Variants in DPP6 observed in about 807,000 individuals in gnomAD.
The protein encoded by DPP6 is dipeptidyl peptidase like 6.
In DPP6, 69 loss-of-function variants were observed where a neutral mutation model predicts 122.6. The ratio of observed to expected loss-of-function variants is 0.56; its 90% confidence interval spans 0.46 to 0.69. The LOEUF (loss-of-function observed/expected upper bound fraction) is 0.69. Among genes scored for constraint, DPP6 ranks in the 30% least tolerant of loss-of-function variants. The pLI is 0.00. For synonymous variants in DPP6, 418 were observed against 433.1 expected, an observed-to-expected ratio of 0.97 and a Z score of 0.43; for missense variants, 928 against 1,116.9, an observed-to-expected ratio of 0.83 and a Z score of 2.41.
intron 1 of DPP6, among the ~76,000 whole-genome samples, chr7:153,964,273 G>T (rs10275189): frequency 0.065 from 9,915 of 152,116 alleles, 1,069 homozygotes; most frequent in African/African-American, 0.23. Flanking sequence ...TGAGATTACA[G>T]GCGTGAGCCA....
At chr7:154,623,250 G>C (rs557674967) in intron 5 of DPP6, among the ~76,000 whole-genome samples, 1 of 152,122 alleles carries the variant, frequency 6.6e-6, no homozygotes, top group Non-Finnish European at 1.5e-5. Context: ...TTGCCGGTGC[G>C]TTGCACTAAA....
intron 3 of DPP6, among the ~76,000 whole-genome samples, chr7:154,515,694 G>A (rs1019503337): frequency 1.3e-5 from 2 of 152,098 alleles, no homozygotes; most frequent in Non-Finnish European, 2.9e-5. Flanking sequence ...AGCCAGGATG[G>A]TCTCGAAATC....
intron 1 of DPP6, among the ~76,000 whole-genome samples, chr7:154,246,470 A>G (rs181043660): frequency 1.0e-3 from 154 of 152,362 alleles, no homozygotes; most frequent in Non-Finnish European, 1.7e-3. Context: ...TTCTCCAGCA[A>G]TTGATTTATG....
the DPP6 span, among the ~76,000 whole-genome samples, chr7:153,791,095 T>G: frequency 6.6e-6 from 1 of 152,238 alleles, no homozygotes; most frequent in Non-Finnish European, 1.5e-5. Context: ...AGTTAATTTG[T>G]TATAAAAGGC....
Position 154,218,788 on chromosome 7 carries a change from A to C in DPP6, c.243+165725A>C, listed in dbSNP as rs181624878. Among the ~76,000 whole-genome samples, 116 of 152,296 alleles carry C rather than the reference A, an allele frequency of 7.6e-4. 1 individual carries two copies. In the East Asian group the frequency reaches 0.018, roughly 24 times the overall value. ...CTATCTCTGCCAGTCCAGAATTGTA[A>C]ATCACTTTTCTATTAAACAGCGGGG... On this transcript the variant is annotated intron_variant, in intron 1 of 25. Coordinates refer to ENST00000377770, the MANE Select transcript of DPP6 (RefSeq NM_130797.4).
intron 5 of DPP6, among the ~76,000 whole-genome samples, chr7:154,571,743 T>C (rs188471396): frequency 6.6e-6 from 1 of 152,336 alleles, no homozygotes; most frequent in East Asian, 1.9e-4. Context: ...ATTCAGTCAG[T>C]AAAATGGGTT....
At chr7:154,850,015 T>C (rs982571465) in intron 16 of DPP6, among the ~76,000 whole-genome samples, 9 of 152,212 alleles carry the variant, frequency 5.9e-5, no homozygotes, top group Admixed American at 1.3e-4. Context: ...ATCCCACTTG[T>C]TTATGATGAA....
chr7:154,276,160 C>G (rs1032982307), intron 1 of DPP6, among the ~76,000 whole-genome samples: 2 of 152,162 alleles, frequency 1.3e-5, no homozygotes, highest in Non-Finnish European at 2.9e-5. Flanking sequence ...TTGTTTTAAG[C>G]TTATGGATAT....
chr7:154,737,492 AT>A (rs774800245), intron 8 of DPP6, among the ~76,000 whole-genome samples: 2 of 151,882 alleles, frequency 1.3e-5, no homozygotes, highest in Non-Finnish European at 1.5e-5. Flanking sequence ...TCACACTGTT[AT>A]TTTTTTCTTT....
chr7:154,811,040 A>G (rs1563237781), intron 16 of DPP6, among the ~76,000 whole-genome samples: 1 of 152,182 alleles, frequency 6.6e-6, no homozygotes. Flanking sequence ...ATCTATTTAA[A>G]TATTTAGCCT....
chr7:154,307,738 A>C (rs551967611), intron 1 of DPP6, among the ~76,000 whole-genome samples: 20 of 152,208 alleles, frequency 1.3e-4, no homozygotes, highest in Non-Finnish European at 2.5e-4. Flanking sequence ...TAGACTGCAG[A>C]ACTCTTAATG....
At chr7:154,197,414 C>G (rs1461234223) in intron 1 of DPP6, among the ~76,000 whole-genome samples, 1 of 152,078 alleles carries the variant, frequency 6.6e-6, no homozygotes, top group African/African-American at 2.4e-5. Context: ...TGCACTGATA[C>G]CATACGTCGA....
intron 1 of DPP6, among the ~76,000 whole-genome samples, chr7:153,889,343 A>G (rs1799087472): frequency 6.6e-6 from 1 of 152,168 alleles, no homozygotes; most frequent in African/African-American, 2.4e-5. Flanking sequence ...ACGTGTATGG[A>G]GTAATGCTTT....
At chr7:154,278,847 C>T (rs755018213) in intron 1 of DPP6, among the ~76,000 whole-genome samples, 9 of 149,430 alleles carry the variant, frequency 6.0e-5, no homozygotes, top group African/African-American at 9.9e-5. Flanking sequence ...TGGGGATGCA[C>T]GTGTGTGTTT....
At chr7:154,778,381 C>G (rs1796714393) in intron 10 of DPP6, among the ~76,000 whole-genome samples, 2 of 152,032 alleles carry the variant, frequency 1.3e-5, no homozygotes, top group African/African-American at 4.8e-5. Context: ...CAGGCTTCTC[C>G]CCAATATGCA....
intron 1 of DPP6, chr7:154,305,237 GGCTGTT>G: frequency 8.1e-7 from 1 of 1,241,204 alleles, no homozygotes; most frequent in East Asian, 3.4e-5. Flanking sequence ...CGATTGCAGA[GGCTGTT>G]GCTAATTGGA....
At chr7:153,835,944 T>C in the DPP6 span, among the ~76,000 whole-genome samples, 1 of 152,170 alleles carries the variant, frequency 6.6e-6, no homozygotes, top group African/African-American at 2.4e-5. Flanking sequence ...CTGGAGACTC[T>C]AGGGAAGATA....
intron 1 of DPP6, among the ~76,000 whole-genome samples, chr7:154,333,920 A>G (rs943825185): frequency 1.3e-5 from 2 of 152,238 alleles, no homozygotes; most frequent in African/African-American, 4.8e-5. Flanking sequence ...AACCCAATCC[A>G]AATTACTTAA....
intron 1 of DPP6, among the ~76,000 whole-genome samples, chr7:154,278,202 C>G (rs991298578): frequency 3.9e-5 from 6 of 152,164 alleles, no homozygotes; most frequent in Admixed American, 3.3e-4. Flanking sequence ...TGAGAGGAGT[C>G]CCGACTCCAT....
Sources: allele counts gnomAD v4.1 joint callset (sites outside exome capture counted in the v4.1 genomes callset), GRCh38; gene constraint gnomAD v4.1.1; transcripts MANE v1.5; gene names NCBI Gene and HGNC (gene_info 2026-07-23, HGNC 2026-07-21).